The following PRKN variants were observed in gnomAD, a reference collection of about 807,000 sequenced individuals.
The protein encoded by PRKN is E3 ubiquitin-protein ligase parkin.
Under a neutral mutation model 59.5 loss-of-function variants are expected in PRKN, and 56 were observed. The observed-to-expected ratio is 0.94, with a 90% CI of 0.76 to 1.18. The LOEUF (loss-of-function observed/expected upper bound fraction) is 1.18. Among genes scored for constraint, PRKN ranks in the 50% most tolerant of loss-of-function variants. PRKN has a pLI of 0.00. For synonymous variants in PRKN, 250 were observed against 222.1 expected (o/e 1.13, Z -1.12); for missense variants, 657 against 596.4 (o/e 1.10, Z -1.06).
chr6:161,987,890 T>C (rs1781492931), intron 5 of PRKN, among the ~76,000 whole-genome samples: 1 of 152,210 alleles, frequency 6.6e-6, no homozygotes, highest in Non-Finnish European at 1.5e-5. Context: ...AGAAGGAGGA[T>C]GGCAAATAGT....
intron 4 of PRKN, among the ~76,000 whole-genome samples, chr6:162,187,638 T>C (rs915886386): frequency 4.6e-5 from 7 of 152,166 alleles, no homozygotes; most frequent in African/African-American, 1.4e-4. Context: ...GACACTACTA[T>C]GTACTGAAAT....
intron 1 of PRKN, among the ~76,000 whole-genome samples, chr6:162,642,843 C>T (rs1211108659): frequency 6.6e-6 from 1 of 151,700 alleles, no homozygotes; most frequent in Non-Finnish European, 1.5e-5. Flanking sequence ...AAGTCTAGTA[C>T]AATATTAGGA....
chr6:162,700,769 T>C (rs1233243068), intron 1 of PRKN, among the ~76,000 whole-genome samples: 1 of 152,010 alleles, frequency 6.6e-6, no homozygotes, highest in African/African-American at 2.4e-5. Flanking sequence ...ATCGCACATC[T>C]TTTACTCCTA....
intron 1 of PRKN, among the ~76,000 whole-genome samples, chr6:162,504,436 A>G (rs1240212818): frequency 1.3e-5 from 2 of 152,194 alleles, no homozygotes; most frequent in Non-Finnish European, 2.9e-5. Flanking sequence ...TTATAATAAA[A>G]GTAGTAACTA....
intron 2 of PRKN, among the ~76,000 whole-genome samples, chr6:162,382,906 G>C (rs549130238): frequency 6.6e-5 from 10 of 152,272 alleles, no homozygotes; most frequent in African/African-American, 2.2e-4. Flanking sequence ...TTCACCAGGA[G>C]CACATTCCAT....
chr6:161,388,350 G>A lies in PRKN; in HGVS notation c.1084-1473C>T, dbSNP rs151328325. Among the ~76,000 whole-genome samples, 407 of 152,316 alleles carry A rather than the reference G, an allele frequency of 2.7e-3. 5 individuals are homozygous for A. The highest frequency in any genetic ancestry group is 9.5e-3 in the African/African-American group (393 of 41,554). ...ACTTTAAGGAGATAAGAACAACAGG[G>A]ACTATTTTGCCCCTACTCCATTTCA... On this transcript the variant is annotated intron_variant, in intron 9 of 11. Transcript: ENST00000366898. This position sits in a 1 kb window ranked among gnomAD's most constrained non-coding sequence, Gnocchi z 4.3.
chr6:161,915,593 T>C (rs1025027170), intron 6 of PRKN, among the ~76,000 whole-genome samples: 2 of 152,210 alleles, frequency 1.3e-5, no homozygotes, highest in African/African-American at 4.8e-5. Context: ...GTGAGTGACA[T>C]GGAAGACCCT....
chr6:161,587,059 A>C (rs1489810892), intron 7 of PRKN, among the ~76,000 whole-genome samples: 3 of 152,214 alleles, frequency 2.0e-5, no homozygotes, highest in Non-Finnish European at 4.4e-5. Context: ...TAGCTCTGCT[A>C]TCAGAACTCA....
chr6:162,480,598 G>A (rs1792259459), intron 1 of PRKN, among the ~76,000 whole-genome samples: 1 of 152,050 alleles, frequency 6.6e-6, no homozygotes, highest in African/African-American at 2.4e-5. Flanking sequence ...AAGCCCACCA[G>A]AGACCAGCGG....
chr6:162,257,509 C>T (rs1031438360), intron 3 of PRKN, among the ~76,000 whole-genome samples: 15 of 152,172 alleles, frequency 9.9e-5, no homozygotes, highest in African/African-American at 3.6e-4. Context: ...ACACAGGCTA[C>T]TGGATATTTT....
In PRKN at chr6:161,357,105, G is replaced by A. The variant is rs981989269; in HGVS notation, c.1285+2983C>T. Among the ~76,000 whole-genome samples, 3 of 146,104 alleles carry A rather than the reference G, an allele frequency of 2.1e-5. No individual in the cohort carries two copies. Among genetic ancestry groups the A allele is most frequent in the Non-Finnish European group, 4.5e-5 (3 of 67,132 alleles). ...CTTGCTCTGTCACTCAGGCTGGAGT[G>A]CAATGGCATGATCTCAGCTCACTGC... On this transcript the variant is annotated intron_variant, in intron 11 of 11. Coordinates refer to ENST00000366898, the MANE Select transcript of PRKN (RefSeq NM_004562.3). This position sits in a 1 kb window ranked among gnomAD's most constrained non-coding sequence, Gnocchi z 5.5.
chr6:161,511,736 G>A (rs958348471), intron 9 of PRKN, among the ~76,000 whole-genome samples: 1 of 152,052 alleles, frequency 6.6e-6, no homozygotes, highest in South Asian at 2.1e-4. Context: ...AGCATTCCAA[G>A]GCCAGGGGTC....
intron 7 of PRKN, among the ~76,000 whole-genome samples, chr6:161,687,622 A>G (rs2128174450): frequency 6.7e-6 from 1 of 149,982 alleles, no homozygotes; most frequent in East Asian, 2.0e-4. Flanking sequence ...ACGCCCGGCT[A>G]ATTTTTGTAT....
intron 1 of PRKN, among the ~76,000 whole-genome samples, chr6:162,450,141 T>C (rs1241482995): frequency 1.3e-5 from 2 of 152,138 alleles, no homozygotes; most frequent in African/African-American, 4.8e-5. Context: ...CGTCTCTGGC[T>C]AACCCCTGAA....
rs1215188769 is a variant in PRKN at position 161,576,752 on chromosome 6, T to A, written c.872-7336A>T. 6.6e-6 allele frequency among the ~76,000 whole-genome samples: 1 copy of A among 152,206 alleles called. No individual in the cohort carries two copies. The highest frequency in any genetic ancestry group is 1.5e-5 in the Non-Finnish European group (1 of 68,024). ...AATACAACAGTATAAAGGGCAGGGT[T>A]GGCTAACGTAAAAGTAAGTGTTCAT... On this transcript the variant is annotated intron_variant, in intron 7 of 11. Transcript: ENST00000366898. This position sits in a 1 kb window ranked among gnomAD's most constrained non-coding sequence, Gnocchi z 4.6.
Position 162,210,054 on chromosome 6 carries a change from T to C in PRKN, c.413-8802A>G, listed in dbSNP as rs141728120. ...CAAACCAACATGGCATATGTATATG[T>C]ATCAAACTGGTATGTTGTGCACATG... is the stretch of plus-strand genomic sequence containing the variant. On this transcript the variant is annotated intron_variant, in intron 3 of 11. Transcript: ENST00000366898. 1.4e-3 allele frequency among the ~76,000 whole-genome samples: 215 copies of C among 151,148 alleles called. 4 individuals carry two copies. In the East Asian group the frequency reaches 0.038, roughly 27 times the overall value.
At chr6:162,148,648 G>C (rs1322948367) in intron 4 of PRKN, among the ~76,000 whole-genome samples, 1 of 151,960 alleles carries the variant, frequency 6.6e-6, no homozygotes, top group Admixed American at 6.6e-5. Context: ...GTGGAAAAAA[G>C]CCTAAAATAA....
At chr6:162,132,960 A>G (rs1441592454) in intron 4 of PRKN, among the ~76,000 whole-genome samples, 1 of 152,198 alleles carries the variant, frequency 6.6e-6, no homozygotes, top group African/African-American at 2.4e-5. Context: ...ACAGTCTAGA[A>G]GCTCATTTGG....
intron 3 of PRKN, among the ~76,000 whole-genome samples, chr6:162,230,733 A>G (rs76905111): frequency 1.3e-5 from 2 of 152,192 alleles, no homozygotes; most frequent in Non-Finnish European, 2.9e-5. Flanking sequence ...TGTCATGCCA[A>G]TGAATTGCAT....
Sources: gnomAD v4.1 joint callset for allele counts (sites outside exome capture counted in the v4.1 genomes callset) on GRCh38, gnomAD v4.1.1 for gene constraint, Gnocchi (gnomAD v3.1) non-coding constraint, MANE v1.5 for transcripts, NCBI Gene and HGNC (gene_info 2026-07-23, HGNC 2026-07-21) for gene names.